The following ULK4 variants were observed in gnomAD, a reference collection of about 807,000 sequenced individuals.
The protein encoded by ULK4 is inactive serine/threonine-protein kinase ULK4.
Under a neutral mutation model 160.6 loss-of-function variants are expected in ULK4, and 133 were observed. The ratio of observed to expected loss-of-function variants is 0.83; its 90% confidence interval spans 0.72 to 0.96. The LOEUF (loss-of-function observed/expected upper bound fraction) is 0.96. Among genes scored for constraint, ULK4 ranks in the 40% least tolerant of loss-of-function variants. The pLI, the probability that ULK4 is intolerant of heterozygous loss-of-function variation, is 0.00. For synonymous variants in ULK4, 534 were observed against 539.8 expected (o/e 0.99, Z 0.15); for missense variants, 1,580 against 1,499.5 (o/e 1.05, Z -0.89).
At chr3:41,470,170 G>GACACATAA (rs2083951632) in intron 32 of ULK4, among the ~76,000 whole-genome samples, 1 of 151,768 alleles carries the variant, frequency 6.6e-6, no homozygotes, top group Non-Finnish European at 1.5e-5. Context: ...AGTTCACCAG[G>GACACATAA]ACACATAATC....
intron 32 of ULK4, among the ~76,000 whole-genome samples, chr3:41,518,523 T>G (rs1230418661): frequency 2.0e-5 from 3 of 152,236 alleles, no homozygotes; most frequent in Non-Finnish European, 4.4e-5. Flanking sequence ...GATCTGTAAA[T>G]GAGTTATTAA....
intron 19 of ULK4, among the ~76,000 whole-genome samples, chr3:41,804,693 C>T (rs993605926): frequency 6.6e-6 from 1 of 152,134 alleles, no homozygotes; most frequent in African/African-American, 2.4e-5. Flanking sequence ...TTTCAGCTTT[C>T]TACATATGGC....
chr3:41,890,398 G>C (rs1435869962), intron 16 of ULK4, among the ~76,000 whole-genome samples: 2 of 151,670 alleles, frequency 1.3e-5, no homozygotes, highest in Non-Finnish European at 1.5e-5. Context: ...GGGATGAAGA[G>C]GCTAGGCATC....
chr3:41,541,006 T>C (rs2125952926), intron 32 of ULK4, among the ~76,000 whole-genome samples: 1 of 152,320 alleles, frequency 6.6e-6, no homozygotes, highest in African/African-American at 2.4e-5. Context: ...TGGTCTCTTT[T>C]GGTGTGTGCA....
At chr3:41,430,901 G>A (rs1559595985) in intron 34 of ULK4, among the ~76,000 whole-genome samples, 1 of 151,866 alleles carries the variant, frequency 6.6e-6, no homozygotes, top group Non-Finnish European at 1.5e-5. Context: ...AAGCAATGAG[G>A]TTTGGGGGTG....
chr3:41,343,453 C>T (rs560007298), intron 35 of ULK4, among the ~76,000 whole-genome samples: 20 of 151,836 alleles, frequency 1.3e-4, no homozygotes, highest in South Asian at 6.3e-4. Context: ...TATAGGCACA[C>T]GCCACCACGC....
intron 34 of ULK4, among the ~76,000 whole-genome samples, chr3:41,441,867 T>C (rs2083178199): frequency 6.6e-6 from 1 of 152,210 alleles, no homozygotes; most frequent in Non-Finnish European, 1.5e-5. Flanking sequence ...ATGTGGTTTG[T>C]TTAGCACTGT....
intron 35 of ULK4, among the ~76,000 whole-genome samples, chr3:41,327,271 G>GT (rs2080356316): frequency 6.6e-6 from 1 of 152,086 alleles, no homozygotes; most frequent in African/African-American, 2.4e-5. Flanking sequence ...AGTCCATAGG[G>GT]TACTTTCAGG....
intron 17 of ULK4, among the ~76,000 whole-genome samples, chr3:41,844,120 C>G (rs56377840): frequency 0.058 from 8,839 of 152,306 alleles, 473 homozygotes; most frequent in East Asian, 0.16. Flanking sequence ...GTGGATCCCC[C>G]ACCGGGGCCG....
intron 22 of ULK4, among the ~76,000 whole-genome samples, chr3:41,744,830 A>G (rs1486869616): frequency 1.3e-5 from 2 of 151,798 alleles, no homozygotes; most frequent in South Asian, 2.1e-4. Context: ...AAACCTCAAC[A>G]AATTTAAAAG....
At chr3:41,393,190 C>T (rs1288864580) in intron 35 of ULK4, among the ~76,000 whole-genome samples, 1 of 152,152 alleles carries the variant, frequency 6.6e-6, no homozygotes, top group Non-Finnish European at 1.5e-5. Flanking sequence ...ATGAACATTC[C>T]TTATTCAGCT....
intron 16 of ULK4, among the ~76,000 whole-genome samples, chr3:41,894,073 G>A (rs536953749): frequency 6.6e-6 from 1 of 152,278 alleles, no homozygotes; most frequent in East Asian, 1.9e-4. Flanking sequence ...GAAAAAAACA[G>A]TATGTGTGAA....
At chr3:41,755,250 T>C (rs1473873072) in intron 21 of ULK4, among the ~76,000 whole-genome samples, 1 of 152,128 alleles carries the variant, frequency 6.6e-6, no homozygotes, top group Non-Finnish European at 1.5e-5. Context: ...CACCTAACAG[T>C]AACACTGTGT....
chr3:41,626,869 T>A (rs1295582793), intron 30 of ULK4, among the ~76,000 whole-genome samples: 4 of 152,146 alleles, frequency 2.6e-5, no homozygotes, highest in Admixed American at 6.5e-5. Flanking sequence ...CAGTGGCCTA[T>A]GGAATATGGT....
intron 1 of ULK4, among the ~76,000 whole-genome samples, chr3:41,958,615 G>C: frequency 6.6e-6 from 1 of 151,726 alleles, no homozygotes; most frequent in Middle Eastern, 3.2e-3. Flanking sequence ...AAGAAGGTGA[G>C]GTAGGCGAAT....
chr3:41,346,976 T>C (rs73831328), intron 35 of ULK4, among the ~76,000 whole-genome samples: 1 of 152,278 alleles, frequency 6.6e-6, no homozygotes, highest in African/African-American at 2.4e-5. Flanking sequence ...CTACAATACA[T>C]GGAGTCATTA....
chr3:41,807,067 G>A (rs2040664809), intron 19 of ULK4, among the ~76,000 whole-genome samples: 2 of 151,958 alleles, frequency 1.3e-5, no homozygotes, highest in African/African-American at 4.8e-5. Flanking sequence ...GGCAGAGGTT[G>A]CAGTGAGCCG....
At chr3:41,833,645 T>G (rs1200178533) in intron 18 of ULK4, among the ~76,000 whole-genome samples, 1 of 152,170 alleles carries the variant, frequency 6.6e-6, no homozygotes, top group Non-Finnish European at 1.5e-5. Flanking sequence ...TCATTCATGA[T>G]TTGGCTCTCT....
intron 7 of ULK4, among the ~76,000 whole-genome samples, chr3:41,917,808 C>T (rs553087845): frequency 5.9e-5 from 9 of 151,776 alleles, no homozygotes; most frequent in South Asian, 2.1e-4. Context: ...GGTGAAACCC[C>T]GTCTCTAATA....
Sources: gnomAD v4.1 joint callset for allele counts (sites outside exome capture counted in the v4.1 genomes callset) on GRCh38, gnomAD v4.1.1 for gene constraint, MANE v1.5 for transcripts, NCBI Gene and HGNC (gene_info 2026-07-23, HGNC 2026-07-21) for gene names.